TMEM255B: variants seen among roughly 807,000 people sequenced by gnomAD.
TMEM255B encodes the protein family with sequence similarity 70, member B.
TMEM255B carries 35 observed loss-of-function variants against 34.5 expected under a neutral mutation model. That is an observed-to-expected ratio of 1.01 (90% CI 0.77 to 1.34). The LOEUF (loss-of-function observed/expected upper bound fraction) is 1.34, where lower values mean the gene tolerates loss of function less well. Ranked by LOEUF, TMEM255B falls within the 40% of genes most tolerant of loss-of-function variation. The pLI is 0.00. For missense variants in TMEM255B, 432 were observed against 433.2 expected (o/e 1.00, Z 0.02); for synonymous variants, 206 against 201.2 (o/e 1.02, Z -0.20).
At chr13:113,773,241 T>C (rs574726200) in intron 3 of TMEM255B, among the ~76,000 whole-genome samples, 2 of 152,352 alleles carry the variant, frequency 1.3e-5, no homozygotes, top group African/African-American at 4.8e-5. Context: ...GGGTTGTCCA[T>C]TGCAAGTGTT....
chr13:113,765,580 C>G (rs1163293534), intron 1 of TMEM255B, among the ~76,000 whole-genome samples: 1 of 152,150 alleles, frequency 6.6e-6, no homozygotes, highest in East Asian at 1.9e-4. Flanking sequence ...TGGAGTCACA[C>G]AGGGATCAAG....
intron 1 of TMEM255B, among the ~76,000 whole-genome samples, chr13:113,761,553 G>A (rs571958139): frequency 6.6e-6 from 1 of 152,292 alleles, no homozygotes; most frequent in South Asian, 2.1e-4. Context: ...CAGAGAGGTA[G>A]CTGTTGGCCC....
In TMEM255B at chr13:113,761,449, G is replaced by A. The variant is rs2050307173; in HGVS notation, c.46+2134G>A. On this transcript the variant is annotated intron_variant, in intron 1 of 8. Transcript: ENST00000375353. ...GAGCAGGTGGGATGGGAGAAGTGGG[G>A]GCTGGTGGGGAGTGACAAGGTGATA... 3 of 811,514 alleles carry A rather than the reference G, an allele frequency of 3.7e-6. No individual in the cohort carries two copies. The African/African-American group carries it at 5.6e-5, about 15-fold the overall frequency. The allele number at this position is 811,514 out of a possible 1,614,324, so 50.3% of individuals were successfully genotyped here.
chr13:113,782,647 C>T (rs9577901), intron 3 of TMEM255B, among the ~76,000 whole-genome samples: 113,643 of 148,836 alleles, frequency 0.76, 44,105 homozygotes, highest in African/African-American at 0.88. Context: ...GTGCCGGCAG[C>T]GATGAGATTT....
Position 113,769,177 on chromosome 13 carries a change from G to C in TMEM255B, c.252+17G>C. The C allele has an allele frequency of 6.2e-7, 1 of 1,613,812 alleles. No homozygotes were observed. The highest frequency in any genetic ancestry group is 8.5e-7 in the Non-Finnish European group (1 of 1,179,738). ...AGGCAAATGGTAAGAAAGTACATGG[G>C]GTGGTGGGGAGCATGAGTCCCTCAT... On this transcript the variant is annotated intron_variant, in intron 3 of 8. Coordinates refer to ENST00000375353, the MANE Select transcript of TMEM255B (RefSeq NM_182614.4). The surrounding 1 kb of genome is among the most constrained non-coding windows in gnomAD (Gnocchi z 4.2).
intron 4 of TMEM255B, 96 bp downstream of exon 4, chr13:113,795,333 C>T (rs1351311581): frequency 1.2e-5 from 15 of 1,299,638 alleles, no homozygotes; most frequent in Middle Eastern, 4.2e-4. Context: ...TCAGCTCAGA[C>T]GGCTTCACCG....
At position 113,769,408 on chromosome 13, in the gene TMEM255B, C is replaced by A. The variant is rs2050442625; in HGVS notation, c.252+248C>A. Among the ~76,000 whole-genome samples, 1 of 152,218 alleles carries A rather than the reference C, an allele frequency of 6.6e-6. No homozygotes were observed. The highest frequency in any genetic ancestry group is 1.5e-5 in the Non-Finnish European group (1 of 68,046). ...GTATCAACCTCACGTGGTGTGCAAC[C>A]ACCAATGCTGAGGCCTGGGAAGCTC... On this transcript the variant is annotated intron_variant, in intron 3 of 8. Coordinates refer to ENST00000375353, the MANE Select transcript of TMEM255B (RefSeq NM_182614.4). This position sits in a 1 kb window ranked among gnomAD's most constrained non-coding sequence, Gnocchi z 4.2.
At chr13:113,776,818 C>T (rs547886702) in intron 3 of TMEM255B, among the ~76,000 whole-genome samples, 6 of 152,136 alleles carry the variant, frequency 3.9e-5, no homozygotes, top group Admixed American at 6.5e-5. Flanking sequence ...GTGGTGCTGA[C>T]GCCCTGGTGA....
rs904541546 is a variant in TMEM255B, at chr13:113,769,661, G to A, written c.252+501G>A. 1 of 164,164 alleles carries A rather than the reference G, an allele frequency of 6.1e-6. No homozygotes were observed. Among genetic ancestry groups the A allele is most frequent in the Non-Finnish European group, 1.4e-5 (1 of 73,682 alleles). The allele number at this position is 164,164 out of a possible 1,614,324, so 10.2% of individuals were successfully genotyped here. A position where few individuals can be genotyped will look rare whatever the true frequency, so the allele number is the denominator to read the frequency against. On this transcript the variant is annotated intron_variant, in intron 3 of 8. Coordinates refer to ENST00000375353, the MANE Select transcript of TMEM255B (RefSeq NM_182614.4). The surrounding 1 kb of genome is among the most constrained non-coding windows in gnomAD (Gnocchi z 4.2). ...GGTTCACATGGCAGCAATGCAGAGT[G>A]AAATCCAGACACTGCCTGTCCATGA... is the stretch of plus-strand genomic sequence containing the variant.
intron 3 of TMEM255B, among the ~76,000 whole-genome samples, chr13:113,794,400 C>T (rs1184892652): frequency 6.6e-6 from 1 of 151,948 alleles, no homozygotes; most frequent in African/African-American, 2.4e-5. Flanking sequence ...TTCTGCTTGT[C>T]ACTGGGACCT....
chr13:113,796,426 CCACACAGAGCACACACCACA>C (rs1282310517), intron 4 of TMEM255B, among the ~76,000 whole-genome samples: 131 of 142,272 alleles, frequency 9.2e-4, no homozygotes, highest in Non-Finnish European at 1.6e-3. Flanking sequence ...AGAGCACACA[CCACACAGAGCACACACCACA>C]CAGAGTACAC....
At chr13:113,793,153 C>T (rs575618029) in intron 3 of TMEM255B, among the ~76,000 whole-genome samples, 6 of 152,300 alleles carry the variant, frequency 3.9e-5, no homozygotes, top group South Asian at 2.1e-4. Flanking sequence ...GGGCTCCGGT[C>T]CAAGGCCACC....
At chr13:113,763,297 A>G (rs1224355774) in intron 1 of TMEM255B, among the ~76,000 whole-genome samples, 3 of 152,202 alleles carry the variant, frequency 2.0e-5, no homozygotes, top group African/African-American at 4.8e-5. Context: ...AATTGCATAT[A>G]TTTTTAAATT....
At position 113,801,368 on chromosome 13, in the gene TMEM255B, C is replaced by T. The variant is rs1023813457; in HGVS notation, c.510-285C>T. ...GGCGTGAAGACAGAGATGGCTCAGCCGGGGCCCAGACACCCGTCCTGCCAG... is the reference window on the plus strand; with the variant it reads ...GGCGTGAAGACAGAGATGGCTCAGCTGGGGCCCAGACACCCGTCCTGCCAG... On this transcript the variant is annotated intron_variant, in intron 6 of 8. Transcript: ENST00000375353. Among the ~76,000 whole-genome samples, 5 of 152,226 alleles carry T rather than the reference C, an allele frequency of 3.3e-5. 1 individual carries two copies. The highest frequency in any genetic ancestry group is 4.1e-4 in the South Asian group (2 of 4,836).
intron 3 of TMEM255B, among the ~76,000 whole-genome samples, chr13:113,778,190 C>T (rs537340594): frequency 2.2e-4 from 34 of 152,294 alleles, no homozygotes; most frequent in Middle Eastern, 6.8e-3. Context: ...TATAAAAAGC[C>T]GGCCGAACAG....
rs147943848 is a variant in TMEM255B at position 113,761,590 on chromosome 13, C to T, written c.46+2275C>T. Reference sequence around the variant, plus strand: ...TTCAGCTTCACATCTCAGAACTCCTCCTTGCAACTCCAGTGGGAGAAATGC... The same window carrying T: ...TTCAGCTTCACATCTCAGAACTCCTTCTTGCAACTCCAGTGGGAGAAATGC... On this transcript the variant is annotated intron_variant, in intron 1 of 8. Coordinates refer to ENST00000375353, the MANE Select transcript of TMEM255B (RefSeq NM_182614.4). Among the ~76,000 whole-genome samples, 944 of 152,324 alleles carry T rather than the reference C, an allele frequency of 6.2e-3. 4 individuals carry two copies. The highest frequency in any genetic ancestry group is 0.031 in the Middle Eastern group (9 of 294).
intron 1 of TMEM255B, among the ~76,000 whole-genome samples, chr13:113,759,836 G>A (rs1033859988): frequency 3.9e-5 from 6 of 152,118 alleles, no homozygotes; most frequent in African/African-American, 1.2e-4. Flanking sequence ...CCCCTCTCTC[G>A]TGTTTCTCCC....
intron 3 of TMEM255B, among the ~76,000 whole-genome samples, chr13:113,791,839 G>A (rs962425910): frequency 3.3e-5 from 5 of 152,238 alleles, no homozygotes; most frequent in East Asian, 1.9e-4. Flanking sequence ...CAGTGGTGAC[G>A]GGACCACGGC....
At position 113,801,851 on chromosome 13, in the gene TMEM255B, GCCGGGGCTCCGGGTC is replaced by G. The variant is rs1312114245; in HGVS notation, c.669+41_669+55del. 2.6e-6 allele frequency: 4 copies of G among 1,532,928 alleles called. No homozygotes were observed. The South Asian group carries it at 4.9e-5, about 19-fold the overall frequency. The allele number at this position is 1,532,928 out of a possible 1,614,324, so 95.0% of individuals were successfully genotyped here. On this transcript the variant is annotated intron_variant, in intron 7 of 8. Coordinates refer to ENST00000375353, the MANE Select transcript of TMEM255B (RefSeq NM_182614.4). ...GTGGGACCCCCGCTGCTCACTGGGA[GCCGGGGCTCCGGGTC>G]CATTTCCCCGGGGTGGGCTGGGGGG... is the stretch of plus-strand genomic sequence containing the variant.
Sources: gnomAD v4.1 joint callset for allele counts (sites outside exome capture counted in the v4.1 genomes callset) on GRCh38, gnomAD v4.1.1 for gene constraint, Gnocchi (gnomAD v3.1) non-coding constraint, MANE v1.5 for transcripts, NCBI Gene and HGNC (gene_info 2026-07-23, HGNC 2026-07-21) for gene names.